The following NCOA3 variants were observed in gnomAD, a reference collection of about 807,000 sequenced individuals.
The protein encoded by NCOA3 is CBP-interacting protein.
In NCOA3, 51 loss-of-function variants were observed where a neutral mutation model predicts 158.8. That is an observed-to-expected ratio of 0.32 (90% confidence interval 0.26 to 0.41). The LOEUF is 0.41. Ranked by LOEUF, NCOA3 falls within the 10% of genes least tolerant of loss-of-function variation. The probability of loss-of-function intolerance (pLI) is 1.00; values close to 1 mark genes in which losing one functional copy is unlikely to be tolerated. For synonymous variants in NCOA3, 537 were observed against 592.4 expected, an observed-to-expected ratio of 0.91 and a Z score of 1.36; for missense variants, 1,510 against 1,746.6, an observed-to-expected ratio of 0.86 and a Z score of 2.41.
chr20:47,535,891 TC>T (rs35471996), intron 1 of NCOA3, among the ~76,000 whole-genome samples: 2 of 152,072 alleles, frequency 1.3e-5, no homozygotes, highest in Non-Finnish European at 2.9e-5. Context: ...AAGGTGATCT[TC>T]CCCTGGAGCT....
chr20:47,582,510 G>A (rs1302741674), intron 1 of NCOA3, among the ~76,000 whole-genome samples: 1 of 152,130 alleles, frequency 6.6e-6, no homozygotes, highest in Non-Finnish European at 1.5e-5. Context: ...ACTGCGCCTG[G>A]CCCTGACTTT....
Position 47,523,600 on chromosome 20 carries a change from T to A in NCOA3, c.-99+21581T>A, listed in dbSNP as rs6012199. 6.9e-3 allele frequency among the ~76,000 whole-genome samples: 1,058 copies of A among 152,336 alleles called. 17 individuals are homozygous for A. Among genetic ancestry groups the A allele is most frequent in the African/African-American group, 0.024 (1,002 of 41,572 alleles). On this transcript the variant is annotated intron_variant, in intron 1 of 22. Transcript: ENST00000371998. ...GGGGTTGTAGCCACTTGGAGCTGAA[T>A]CTGGCATTTTCCCTGAGCCTGTCAA...
intron 2 of NCOA3, among the ~76,000 whole-genome samples, chr20:47,615,887 G>A (rs939199823): frequency 6.6e-5 from 10 of 152,126 alleles, no homozygotes. Context: ...ACGAGACGTG[G>A]TGGCTCACGC....
In NCOA3 at chr20:47,506,397, A is replaced by G. The variant is rs143075007; in HGVS notation, c.-99+4378A>G. Among the ~76,000 whole-genome samples, 197 of 152,144 alleles carry G rather than the reference A, an allele frequency of 1.3e-3. 1 individual carries two copies. Among genetic ancestry groups the G allele is most frequent in the Non-Finnish European group, 2.6e-3 (176 of 68,004 alleles). ...TTCCCTTTCCTACCTTCTGGTGGAG[A>G]GTTTTTAAATGAACAGGAAAATGGC... On this transcript the variant is annotated intron_variant, in intron 1 of 22. Coordinates refer to ENST00000371998, the MANE Select transcript of NCOA3 (RefSeq NM_181659.3).
Position 47,637,795 on chromosome 20 carries a change from C to A in NCOA3, c.2512+12C>A. On this transcript the variant is annotated intron_variant, in intron 13 of 22. Transcript: ENST00000371998. Reference sequence around the variant, plus strand: ...AACTAATTCTCTGGGTAAGAATGAACTAGGTTTTTTTTTTTTTTGCTGCCT... The same window carrying A: ...AACTAATTCTCTGGGTAAGAATGAAATAGGTTTTTTTTTTTTTTGCTGCCT... 1 of 1,566,594 alleles carries A rather than the reference C, an allele frequency of 6.4e-7. No homozygotes were observed. Among genetic ancestry groups the A allele is most frequent in the Non-Finnish European group, 8.6e-7 (1 of 1,162,132 alleles).
intron 1 of NCOA3, among the ~76,000 whole-genome samples, chr20:47,556,330 A>C (rs1354288893): frequency 6.6e-6 from 1 of 152,220 alleles, no homozygotes; most frequent in African/African-American, 2.4e-5. Context: ...TTATGTGGCA[A>C]GTAATTAGCA....
At chr20:47,577,800 C>T (rs1176025608) in intron 1 of NCOA3, among the ~76,000 whole-genome samples, 3 of 152,124 alleles carry the variant, frequency 2.0e-5, no homozygotes, top group South Asian at 4.1e-4. Flanking sequence ...GAAGCCAAGG[C>T]GTCTGTTTTC....
intron 2 of NCOA3, among the ~76,000 whole-genome samples, chr20:47,617,938 A>G (rs2086165472): frequency 6.6e-6 from 1 of 152,156 alleles, no homozygotes; most frequent in East Asian, 1.9e-4. Flanking sequence ...ACCTGTTCCT[A>G]AAAAACCCAA....
intron 5 of NCOA3, 86 bp from the exon 6 acceptor site, chr20:47,626,916 T>G (rs1423686703): frequency 8.2e-7 from 1 of 1,220,010 alleles, no homozygotes; most frequent in Non-Finnish European, 1.2e-6. Context: ...ACAGTTACAC[T>G]GATGGTTAGA....
At chr20:47,507,858 A>T (rs191547369) in intron 1 of NCOA3, among the ~76,000 whole-genome samples, 1 of 152,236 alleles carries the variant, frequency 6.6e-6, no homozygotes, top group Admixed American at 6.5e-5. Context: ...GCCTCAGGTG[A>T]TCTGCCCGCG....
chr20:47,588,309 A>G (rs1278613164), intron 2 of NCOA3, among the ~76,000 whole-genome samples: 1 of 151,178 alleles, frequency 6.6e-6, no homozygotes, highest in East Asian at 1.9e-4. Context: ...TAATTTTTGT[A>G]TCTTTAATAG....
At chr20:47,558,059 C>CTTT (rs111574647) in intron 1 of NCOA3, among the ~76,000 whole-genome samples, 3 of 135,138 alleles carry the variant, frequency 2.2e-5, no homozygotes, top group Non-Finnish European at 4.8e-5. Context: ...AAATTTCTTT[C>CTTT]TTTTTTTTTT....
chr20:47,615,896 G>A (rs1255876859), intron 2 of NCOA3, among the ~76,000 whole-genome samples: 3 of 152,182 alleles, frequency 2.0e-5, no homozygotes, highest in East Asian at 3.9e-4. Flanking sequence ...GGTGGCTCAC[G>A]CCTGTAATTC....
At chr20:47,639,413 A>G (rs1039861736) in intron 14 of NCOA3, among the ~76,000 whole-genome samples, 164 bp from the exon 15 acceptor site, 1 of 152,230 alleles carries the variant, frequency 6.6e-6, no homozygotes, top group African/African-American at 2.4e-5. Flanking sequence ...TGTTGAATAT[A>G]TGAGAATAGT....
chr20:47,522,748 A>C (rs114563479), intron 1 of NCOA3, among the ~76,000 whole-genome samples: 1,789 of 152,054 alleles, frequency 0.012, 35 homozygotes, highest in African/African-American at 0.041. Flanking sequence ...TGTTGCCAGG[A>C]ACTTGTGGGG....
At chr20:47,650,709 C>G (rs2086768476) in intron 19 of NCOA3, among the ~76,000 whole-genome samples, 1 of 151,528 alleles carries the variant, frequency 6.6e-6, no homozygotes. Flanking sequence ...ACTAAAAATA[C>G]AAAAATTAGC....
intron 14 of NCOA3, 44 bp from the exon 15 acceptor site, chr20:47,639,528 GGATTT>G: frequency 6.2e-7 from 1 of 1,601,744 alleles, no homozygotes; most frequent in Non-Finnish European, 8.5e-7. Context: ...GGTATAAGAA[GGATTT>G]CATTATAATA....
intron 2 of NCOA3, among the ~76,000 whole-genome samples, chr20:47,618,843 C>T (rs1017757054): frequency 3.9e-5 from 6 of 152,190 alleles, no homozygotes; most frequent in Admixed American, 3.3e-4. Context: ...TGGCTTAACA[C>T]AAATGATCTG....
chr20:47,600,129 T>A (rs2085833876), intron 2 of NCOA3, among the ~76,000 whole-genome samples: 2 of 150,836 alleles, frequency 1.3e-5, no homozygotes, highest in African/African-American at 4.9e-5. Flanking sequence ...TGTGTGTGTG[T>A]GTGTGTGTGT....
Sources: gnomAD v4.1 joint callset for allele counts (sites outside exome capture counted in the v4.1 genomes callset) on GRCh38, gnomAD v4.1.1 for gene constraint, MANE v1.5 for transcripts, NCBI Gene and HGNC (gene_info 2026-07-23, HGNC 2026-07-21) for gene names.